Variants in TTC38 observed in about 807,000 individuals in gnomAD.
The protein encoded by TTC38 is tetratricopeptide repeat domain 38.
In TTC38, 64 loss-of-function variants were observed where a neutral mutation model predicts 64.2. The ratio of observed to expected loss-of-function variants is 1.00; its 90% confidence interval spans 0.81 to 1.23. The LOEUF is 1.23. Among genes scored for constraint, TTC38 ranks in the 50% most tolerant of loss-of-function variants. The probability of loss-of-function intolerance (pLI) is 0.00; values close to 1 mark genes in which losing one functional copy is unlikely to be tolerated. For missense variants in TTC38, 573 were observed against 615.5 expected (o/e 0.93, Z 0.73); for synonymous variants, 254 against 249.3 (o/e 1.02, Z -0.18).
intron 13 of TTC38, 82 bp downstream of exon 13, chr22:46,289,981 A>T: frequency 7.9e-7 from 1 of 1,258,384 alleles, no homozygotes; most frequent in Non-Finnish European, 1.2e-6. Context: ...AAGCCCCACC[A>T]CCCTTGGCCC....
intron 5 of TTC38, among the ~76,000 whole-genome samples, chr22:46,277,042 T>C (rs61684459): frequency 0.091 from 6,509 of 71,286 alleles, 296 homozygotes; most frequent in African/African-American, 0.22. Context: ...TACATATATA[T>C]ACATACACAC....
chr22:46,284,079 A>G (rs1455680882), intron 8 of TTC38, 47 bp downstream of exon 8: 2 of 1,490,564 alleles, frequency 1.3e-6, no homozygotes, highest in South Asian at 2.4e-5. Context: ...AAAGATGTCT[A>G]GAGGGAGAAA....
At position 46,291,370 on chromosome 22, in the gene TTC38, C is replaced by G. The variant is rs371279901; in HGVS notation, c.1317-1421C>G. On this transcript the variant is annotated intron_variant, in intron 13 of 13. Coordinates refer to ENST00000381031, the MANE Select transcript of TTC38 (RefSeq NM_017931.4). This position sits in a 1 kb window ranked among gnomAD's most constrained non-coding sequence, Gnocchi z 4.6. ...GCGGCAGTGCCGATGTGGCCTTCTGCGGGGCCCAGTGGGGGAGGGCAGGGG... is the reference window on the plus strand; with the variant it reads ...GCGGCAGTGCCGATGTGGCCTTCTGGGGGGCCCAGTGGGGGAGGGCAGGGG... Among the ~76,000 whole-genome samples, 1 of 151,884 alleles carries G rather than the reference C, an allele frequency of 6.6e-6. No homozygotes were observed. Among genetic ancestry groups the G allele is most frequent in the Non-Finnish European group, 1.5e-5 (1 of 67,972 alleles).
rs1433601993 is a variant in TTC38 at position 46,291,840 on chromosome 22, C to T, written c.1317-951C>T. On this transcript the variant is annotated intron_variant, in intron 13 of 13. Transcript: ENST00000381031. This position sits in a 1 kb window ranked among gnomAD's most constrained non-coding sequence, Gnocchi z 4.6. Reference sequence around the variant, plus strand: ...GCGTGGTGGTGGGTACCTGTAATCCCGGCTAGTCGGGAGCCTGAGGCAGGA... The same window carrying T: ...GCGTGGTGGTGGGTACCTGTAATCCTGGCTAGTCGGGAGCCTGAGGCAGGA... Among the ~76,000 whole-genome samples the T allele has an allele frequency of 1.3e-5, 2 of 152,106 alleles. No individual in the cohort carries two copies. The highest frequency in any genetic ancestry group is 2.9e-5 in the Non-Finnish European group (2 of 68,012).
intron 11 of TTC38, 21 bp downstream of exon 11, chr22:46,288,609 GGGGTGGGGGTCCTCACCCTGCCGAGA>G (rs773822275): frequency 1.2e-6 from 2 of 1,610,454 alleles, no homozygotes; most frequent in East Asian, 4.5e-5. Context: ...GGGCCTTCTC[GGGGTGGGGGTCCTCACCCTGCCGAGA>G]GGGTGAGGGG....
intron 10 of TTC38, among the ~76,000 whole-genome samples, chr22:46,287,480 C>CCAGGTGCT (rs1368301332): frequency 1.3e-5 from 2 of 152,262 alleles, no homozygotes; most frequent in Non-Finnish European, 1.5e-5. Context: ...GCACTGGTAG[C>CCAGGTGCT]ACCTGGCCAC....
In TTC38 at chr22:46,272,135, C is replaced by A. The variant is rs1309468946; in HGVS notation, c.112-200C>A. ...CCTACCAAGTGGCTGGGACTACAGG[C>A]ATGCACCACCACGCCCCACTAATTT... On this transcript the variant is annotated intron_variant, in intron 2 of 13. Transcript: ENST00000381031. This position sits in a 1 kb window ranked among gnomAD's most constrained non-coding sequence, Gnocchi z 6.4. Among the ~76,000 whole-genome samples the A allele has an allele frequency of 6.6e-6, 1 of 152,142 alleles. No individual in the cohort carries two copies. Among genetic ancestry groups the A allele is most frequent in the Non-Finnish European group, 1.5e-5 (1 of 68,036 alleles).
At position 46,275,219 on chromosome 22, in the gene TTC38, G is replaced by A. The variant is rs769659799; in HGVS notation, c.366-29G>A. The A allele has an allele frequency of 3.3e-5, 53 of 1,606,210 alleles. 1 individual carries two copies. Among genetic ancestry groups the A allele is most frequent in the South Asian group, 2.6e-4 (23 of 90,056 alleles). On this transcript the variant is annotated intron_variant, in intron 4 of 13. Coordinates refer to ENST00000381031, the MANE Select transcript of TTC38 (RefSeq NM_017931.4). This position sits in a 1 kb window ranked among gnomAD's most constrained non-coding sequence, Gnocchi z 4.5. ...TGTGTGGGTGGACTATGTGTTCAGC[G>A]TTGGTGAGAAATCTTTCTCGGTTTC... is the stretch of plus-strand genomic sequence containing the variant.
intron 13 of TTC38, 90 bp downstream of exon 13, chr22:46,289,989 C>G: frequency 8.6e-7 from 1 of 1,160,028 alleles, no homozygotes; most frequent in Admixed American, 1.7e-5. Flanking sequence ...CCACCCTTGG[C>G]CCGAGATGCT....
chr22:46,268,708 G>T (rs931138528), intron 2 of TTC38, 117 bp downstream of exon 2: 9 of 1,031,188 alleles, frequency 8.7e-6, no homozygotes, highest in Non-Finnish European at 1.3e-5. Flanking sequence ...TTTTTGAGGC[G>T]GAGTCTCGCT....
At chr22:46,289,648 T>G in intron 12 of TTC38, 87 bp downstream of exon 12, 1 of 1,513,992 alleles carries the variant, frequency 6.6e-7, no homozygotes, top group Non-Finnish European at 8.9e-7. Context: ...TCCCATGGTG[T>G]TGGTGCCAAC....
At chr22:46,279,138 A>T (rs897237809) in intron 6 of TTC38, among the ~76,000 whole-genome samples, 3 of 152,196 alleles carry the variant, frequency 2.0e-5, no homozygotes, top group Admixed American at 1.3e-4. Flanking sequence ...CTGAGTGATG[A>T]TCGCCAGTCA....
At position 46,281,586 on chromosome 22, in the gene TTC38, G is replaced by T. The variant is rs113316293; in HGVS notation, c.616-13G>T. On this transcript the variant is annotated splice_polypyrimidine_tract_variant and intron_variant, in intron 6 of 13. Coordinates refer to ENST00000381031, the MANE Select transcript of TTC38 (RefSeq NM_017931.4). This position sits in a 1 kb window ranked among gnomAD's most constrained non-coding sequence, Gnocchi z 5.2. ...TGCTTTATCTGGAATCCTCTTCCCC[G>T]CACCCTGCGTAGGCTTTATCTATTA... 1 of 1,599,338 alleles carries T rather than the reference G, an allele frequency of 6.3e-7. No homozygotes were observed. The highest frequency in any genetic ancestry group is 8.5e-7 in the Non-Finnish European group (1 of 1,171,114).
chr22:46,279,400 C>T (rs896594149), intron 6 of TTC38, among the ~76,000 whole-genome samples: 3 of 152,218 alleles, frequency 2.0e-5, no homozygotes, highest in African/African-American at 7.2e-5. Context: ...CACGTGATGT[C>T]CAACTCCTTG....
At position 46,292,389 on chromosome 22, in the gene TTC38, C is replaced by T; in HGVS notation, c.1317-402C>T. On this transcript the variant is annotated intron_variant, in intron 13 of 13. Coordinates refer to ENST00000381031, the MANE Select transcript of TTC38 (RefSeq NM_017931.4). This position sits in a 1 kb window ranked among gnomAD's most constrained non-coding sequence, Gnocchi z 6.5. ...CTAATCCCATTCACAAGGGCCCCAC[C>T]CTCATGACTTAATCACCTCCAAGAG... 1 of 304,216 alleles carries T rather than the reference C, an allele frequency of 3.3e-6. No individual in the cohort carries two copies. Among genetic ancestry groups the T allele is most frequent in the Admixed American group, 4.1e-5 (1 of 24,608 alleles). 18.8% of individuals were successfully genotyped at this position (304,216 alleles called of 1,614,324 possible).
chr22:46,281,800 T>G lies in TTC38; in HGVS notation c.735+82T>G. 1.3e-6 allele frequency: 2 copies of G among 1,577,062 alleles called. No individual in the cohort carries two copies. The highest frequency in any genetic ancestry group is 3.4e-5 in the Admixed American group (2 of 59,518). On this transcript the variant is annotated intron_variant, in intron 7 of 13. Coordinates refer to ENST00000381031, the MANE Select transcript of TTC38 (RefSeq NM_017931.4). The surrounding 1 kb of genome is among the most constrained non-coding windows in gnomAD (Gnocchi z 5.2). ...CAGGCCAAGGCTTTATGGACAAGAGTTACAGGGCATGGCTTAATTCTCGGG... is the reference window on the plus strand; with the variant it reads ...CAGGCCAAGGCTTTATGGACAAGAGGTACAGGGCATGGCTTAATTCTCGGG...
At position 46,282,849 on chromosome 22, in the gene TTC38, AC is replaced by A. The variant is rs1262198093; in HGVS notation, c.736-1122del. Among the ~76,000 whole-genome samples, 1 of 151,864 alleles carries A rather than the reference AC, an allele frequency of 6.6e-6. No individual in the cohort carries two copies. The highest frequency in any genetic ancestry group is 2.4e-5 in the African/African-American group (1 of 41,330). ...GGCAGCCTAAGGTAGCCACCCACAT[AC>A]CACCCACTCCCCTGGCTCTCGGGGC... On this transcript the variant is annotated intron_variant, in intron 7 of 13. Transcript: ENST00000381031. The surrounding 1 kb of genome is among the most constrained non-coding windows in gnomAD (Gnocchi z 4.4).
Position 46,278,587 on chromosome 22 carries a change from T to C in TTC38, c.541T>C (p.Tyr181His). Residue 181 changes from tyrosine to histidine, a missense_variant and splice_region_variant, in exon 6 of 14, where the codon TAT (tyrosine) becomes CAT (histidine). Around this residue, in one of 3 missense-constraint regions of TTC38, gnomAD observed 68 missense variants for 107.3 expected, o/e 0.63. Coordinates refer to ENST00000381031, the MANE Select transcript of TTC38 (RefSeq NM_017931.4). ...TGAGATCTTTTTTTCTGTTTTTAGC[T>C]ATGTGAAAGGCATCTACTCTTTTGG... ...FWTPDIPLSS[Y>H]VKGIYSFGLM... 6.2e-7 allele frequency: 1 copy of C among 1,613,810 alleles called. No homozygotes were observed. The highest frequency in any genetic ancestry group is 8.5e-7 in the Non-Finnish European group (1 of 1,179,710).
At position 46,276,295 on chromosome 22, in the gene TTC38, CT is replaced by C. The variant is rs1395716050; in HGVS notation, c.539+876del. Among the ~76,000 whole-genome samples the C allele has an allele frequency of 6.6e-6, 1 of 152,180 alleles. No individual in the cohort carries two copies. Among genetic ancestry groups the C allele is most frequent in the African/African-American group, 2.4e-5 (1 of 41,438 alleles). On this transcript the variant is annotated intron_variant, in intron 5 of 13. Transcript: ENST00000381031. This position sits in a 1 kb window ranked among gnomAD's most constrained non-coding sequence, Gnocchi z 4.7. ...AGGCAGTCTGCAGGCAGAATTTCTT[CT>C]TCTAGGGGCCTCCGTCTTTCTCTTA...
Sources: allele counts gnomAD v4.1 joint callset (sites outside exome capture counted in the v4.1 genomes callset), GRCh38; gene constraint gnomAD v4.1.1; regional missense constraint gnomAD v4.1.1; non-coding constraint Gnocchi (gnomAD v3.1); transcripts MANE v1.5; gene names NCBI Gene and HGNC (gene_info 2026-07-23, HGNC 2026-07-21).